Variants in ASTN2 observed in about 807,000 individuals in gnomAD.
The protein encoded by ASTN2 is astrotactin 2.
ASTN2 carries 54 observed loss-of-function variants against 139.8 expected under a neutral mutation model. The ratio of observed to expected loss-of-function variants is 0.39; its 90% confidence interval spans 0.31 to 0.48. The LOEUF is 0.48. Among genes scored for constraint, ASTN2 ranks in the 20% least tolerant of loss-of-function variants. The pLI, the probability that ASTN2 is intolerant of heterozygous loss-of-function variation, is 0.95. For synonymous variants in ASTN2, 756 were observed against 719.5 expected, an observed-to-expected ratio of 1.05 and a Z score of -0.81; for missense variants, 1,565 against 1,725.1, an observed-to-expected ratio of 0.91 and a Z score of 1.64.
At chr9:116,926,144 ATGT>A (rs1834749445) in intron 10 of ASTN2, among the ~76,000 whole-genome samples, 1 of 152,024 alleles carries the variant, frequency 6.6e-6, no homozygotes. Context: ...CCTGTTTGTA[ATGT>A]TGTTCCCTGT....
intron 2 of ASTN2, among the ~76,000 whole-genome samples, chr9:117,275,588 C>T (rs865851067): frequency 3.2e-4 from 37 of 114,300 alleles, no homozygotes; most frequent in African/African-American, 9.9e-4. Context: ...TTTTTTGAGA[C>T]GGAGTCTTAC....
intron 19 of ASTN2, among the ~76,000 whole-genome samples, chr9:116,523,050 A>G (rs1330744414): frequency 2.6e-5 from 4 of 152,272 alleles, no homozygotes; most frequent in East Asian, 3.9e-4. Context: ...AGACCCCAAA[A>G]CTAAGATAGA....
intron 2 of ASTN2, among the ~76,000 whole-genome samples, chr9:117,216,978 T>C (rs1375789303): frequency 2.6e-5 from 4 of 152,152 alleles, no homozygotes; most frequent in African/African-American, 9.7e-5. Flanking sequence ...AGTAACTAGC[T>C]TGAAGTCACA....
chr9:116,445,302 A>G (rs1009773909), intron 20 of ASTN2, among the ~76,000 whole-genome samples: 11 of 152,234 alleles, frequency 7.2e-5, no homozygotes, highest in African/African-American at 2.7e-4. Context: ...AGTGGCTTGT[A>G]AGAAGAGGAT....
At chr9:116,963,755 G>A (rs192009995) in intron 10 of ASTN2, among the ~76,000 whole-genome samples, 63 of 152,316 alleles carry the variant, frequency 4.1e-4, no homozygotes, top group African/African-American at 1.4e-3. Context: ...GACTTTGATG[G>A]ATGGACTCGA....
At chr9:116,681,703 C>T (rs1468649578) in intron 16 of ASTN2, among the ~76,000 whole-genome samples, 1 of 152,060 alleles carries the variant, frequency 6.6e-6, no homozygotes, top group African/African-American at 2.4e-5. Context: ...CAGAACAGAG[C>T]CCTCAGAAAT....
intron 11 of ASTN2, among the ~76,000 whole-genome samples, chr9:116,854,986 A>G (rs1218778720): frequency 1.3e-5 from 2 of 151,664 alleles, no homozygotes; most frequent in African/African-American, 2.4e-5. Flanking sequence ...CCATTATTTC[A>G]GGAATCAAAG....
At chr9:117,352,363 A>C (rs1829416877) in intron 1 of ASTN2, among the ~76,000 whole-genome samples, 1 of 152,188 alleles carries the variant, frequency 6.6e-6, no homozygotes. Flanking sequence ...AACTTGTGAC[A>C]CTTGAGAGAT....
intron 19 of ASTN2, among the ~76,000 whole-genome samples, chr9:116,536,992 G>A (rs1851660086): frequency 6.6e-6 from 1 of 152,182 alleles, no homozygotes; most frequent in South Asian, 2.1e-4. Context: ...CTTGAGCTGT[G>A]GTGGGCTCCA....
At chr9:116,427,325 C>T (rs1847340620) in intron 22 of ASTN2, among the ~76,000 whole-genome samples, 1 of 152,150 alleles carries the variant, frequency 6.6e-6, no homozygotes, top group Non-Finnish European at 1.5e-5. Context: ...TGCCAAATAT[C>T]TTCTGGGGGC....
At chr9:116,472,017 C>T (rs1417808211) in intron 20 of ASTN2, among the ~76,000 whole-genome samples, 1 of 152,114 alleles carries the variant, frequency 6.6e-6, no homozygotes, top group African/African-American at 2.4e-5. Context: ...TTTCCAGCCC[C>T]CTGCATGGTT....
At chr9:117,326,955 C>A (rs1385717550) in intron 1 of ASTN2, among the ~76,000 whole-genome samples, 1 of 152,104 alleles carries the variant, frequency 6.6e-6, no homozygotes, top group Non-Finnish European at 1.5e-5. Flanking sequence ...GGTCCCCAAC[C>A]TTTTTGGCAC....
chr9:116,740,175 A>G (rs1458910362), intron 13 of ASTN2, among the ~76,000 whole-genome samples: 2 of 152,226 alleles, frequency 1.3e-5, no homozygotes, highest in African/African-American at 4.8e-5. Flanking sequence ...TGGTGTGGGC[A>G]CATTCTAAAA....
chr9:116,514,071 G>A (rs1587917999), intron 19 of ASTN2, among the ~76,000 whole-genome samples: 1 of 151,892 alleles, frequency 6.6e-6, no homozygotes, highest in Admixed American at 6.5e-5. Context: ...AGGTGGAGAG[G>A]TGCTCTGATT....
intron 13 of ASTN2, among the ~76,000 whole-genome samples, chr9:116,734,484 G>A (rs145571110): frequency 5.9e-5 from 9 of 152,200 alleles, no homozygotes; most frequent in African/African-American, 2.2e-4. Flanking sequence ...TGGTATCGAG[G>A]TCTTTTCCAA....
intron 13 of ASTN2, among the ~76,000 whole-genome samples, chr9:116,784,821 C>T (rs373195305): frequency 2.0e-5 from 3 of 150,910 alleles, no homozygotes; most frequent in South Asian, 2.1e-4. Flanking sequence ...CCCAGTTACT[C>T]GGGAGGCTGA....
intron 19 of ASTN2, among the ~76,000 whole-genome samples, chr9:116,496,814 A>G (rs928683742): frequency 1.3e-5 from 2 of 152,216 alleles, no homozygotes; most frequent in Non-Finnish European, 2.9e-5. Flanking sequence ...CAGGCAAGAG[A>G]GCTTGTGCAG....
intron 1 of ASTN2, among the ~76,000 whole-genome samples, chr9:117,335,689 C>T (rs1034415061): frequency 1.3e-5 from 2 of 151,928 alleles, no homozygotes; most frequent in Non-Finnish European, 2.9e-5. Flanking sequence ...ATGAGGAACC[C>T]CTTAAATCAA....
rs1211605887 is a variant in ASTN2, at chr9:116,424,030, TTGCATTA to T, written c.*1814_*1820del. On this transcript the variant is annotated 3_prime_UTR_variant, in exon 23 of 23. Coordinates refer to ENST00000313400, the MANE Select transcript of ASTN2 (RefSeq NM_001365068.1). Reference sequence around the variant, plus strand: ...TCTCTTCTCTTAACAGGTGTCATCTTTGCATTATGATATACCTGACCTACATCCCATC... The same window carrying T: ...TCTCTTCTCTTAACAGGTGTCATCTTTGATATACCTGACCTACATCCCATC... 6.6e-6 allele frequency among the ~76,000 whole-genome samples: 1 copy of T among 152,198 alleles called. No homozygotes were observed. The highest frequency in any genetic ancestry group is 1.5e-5 in the Non-Finnish European group (1 of 68,018).
Sources: gnomAD v4.1 joint callset for allele counts (sites outside exome capture counted in the v4.1 genomes callset) on GRCh38, gnomAD v4.1.1 for gene constraint, MANE v1.5 for transcripts, NCBI Gene and HGNC (gene_info 2026-07-23, HGNC 2026-07-21) for gene names.